DNAI4: variants seen among roughly 807,000 people sequenced by gnomAD.
DNAI4 encodes the protein dynein axonemal intermediate chain 4.
A neutral mutation model predicts 105.8 loss-of-function variants in DNAI4; 85 were observed. The observed-to-expected ratio is 0.80, with a 90% CI of 0.67 to 0.96. The LOEUF (loss-of-function observed/expected upper bound fraction) is 0.96. Ranked by LOEUF, DNAI4 falls within the 40% of genes least tolerant of loss-of-function variation. DNAI4 has a pLI of 0.00. For synonymous variants in DNAI4, 352 were observed against 331.5 expected (o/e 1.06, Z -0.67); for missense variants, 1,014 against 1,005.6 (o/e 1.01, Z -0.11).
chr1:66,892,987 AAGAAAGAAAGAG>A lies in DNAI4; in HGVS notation c.530+230_530+241del, dbSNP rs1246304309. The stretch of plus-strand genomic sequence containing the variant: ...AAAGAAAGAAAGAAAGAAAGAAAGA[AAGAAAGAAAGAG>A]AGAAAGAGAGAGAGGAAAGAAAGAA... On this transcript the variant is annotated intron_variant, in intron 3 of 16. Coordinates refer to ENST00000371026, the MANE Select transcript of DNAI4 (RefSeq NM_024763.5). 6.3e-4 allele frequency among the ~76,000 whole-genome samples: 76 copies of A among 120,898 alleles called. 4 individuals are homozygous for A. Among genetic ancestry groups the A allele is most frequent in the South Asian group, 4.7e-3 (20 of 4,286 alleles). The allele number at this position is 120,898 out of a possible 152,430, so 79.3% of individuals were successfully genotyped here.
intron 1 of DNAI4, among the ~76,000 whole-genome samples, chr1:66,908,862 C>T (rs1649448902): frequency 1.3e-5 from 2 of 152,218 alleles, no homozygotes; most frequent in African/African-American, 4.8e-5. Flanking sequence ...CCTCCTCTCA[C>T]ATTTTCACTC....
At chr1:66,843,702 T>C (rs1322202987) in intron 8 of DNAI4, among the ~76,000 whole-genome samples, 3 of 152,198 alleles carry the variant, frequency 2.0e-5, no homozygotes, top group African/African-American at 7.2e-5. Flanking sequence ...TTTGAGTTAA[T>C]TTTTGTGACA....
At position 66,834,061 on chromosome 1, in the gene DNAI4, T is replaced by C. The variant is rs1246077719; in HGVS notation, c.1821A>G (p.Glu607=). ...DRGTTGDGKR[E]ILVSISADGR... is the part of the protein sequence containing the mutation. ...CATCTGCTGATATAGAAACTAGTAT[T>C]TCTCTTTTGCCATCTCCTGTTGTTC... The change falls in exon 12 of 17, where the codon GAA becomes GAG. Residue 607 remains glutamate, a synonymous_variant. Transcript: ENST00000371026. 1.2e-6 allele frequency: 2 copies of C among 1,612,900 alleles called. No individual in the cohort carries two copies. Among genetic ancestry groups the C allele is most frequent in the Non-Finnish European group, 1.7e-6 (2 of 1,179,446 alleles).
At chr1:66,893,117 G>GA (rs1341452037) in intron 3 of DNAI4, 112 bp downstream of exon 3, 2 of 516,992 alleles carry the variant, frequency 3.9e-6, no homozygotes, top group Non-Finnish European at 6.3e-6. Context: ...AAGAAAGAAA[G>GA]AAAGAAACTG....
chr1:66,843,042 T>C lies in DNAI4; in HGVS notation c.1292-2371A>G, dbSNP rs72671670. Among the ~76,000 whole-genome samples, 412 of 151,548 alleles carry C rather than the reference T, an allele frequency of 2.7e-3. 1 individual carries two copies. The highest frequency in any genetic ancestry group is 4.7e-3 in the Admixed American group (71 of 15,202). On this transcript the variant is annotated intron_variant, in intron 8 of 16. Transcript: ENST00000371026. ...GCGAGACCTCATCTCTACAGAACAT[T>C]TTAAAAAATTAGCTGGGTGTGGTGG... is the stretch of plus-strand genomic sequence containing the variant.
chr1:66,871,304 G>A lies in DNAI4; in HGVS notation c.940+66C>T, dbSNP rs777900874. On this transcript the variant is annotated intron_variant, in intron 6 of 16. Coordinates refer to ENST00000371026, the MANE Select transcript of DNAI4 (RefSeq NM_024763.5). ...TTATACATTTCAATATTCACTTGTC[G>A]ATTGACAGACTCAAAAAATGTATAT... 5.2e-5 allele frequency: 73 copies of A among 1,408,190 alleles called. No individual in the cohort carries two copies. In the East Asian group the frequency reaches 1.1e-3, roughly 20 times the overall value. The allele number at this position is 1,408,190 out of a possible 1,614,324, so 87.2% of individuals were successfully genotyped here.
chr1:66,910,925 T>C lies in DNAI4; in HGVS notation c.171-5550A>G, dbSNP rs532155765. On this transcript the variant is annotated intron_variant, in intron 1 of 16. Transcript: ENST00000371026. ...ATCAATACAGATTTCTGTGGCCAAA[T>C]GCGTAGGGTTTCTCCCCACACACCA... Among the ~76,000 whole-genome samples, 100 of 152,278 alleles carry C rather than the reference T, an allele frequency of 6.6e-4. 1 individual carries two copies. Among genetic ancestry groups the C allele is most frequent in the Non-Finnish European group, 9.0e-4 (61 of 68,026 alleles).
chr1:66,899,175 C>A (rs1361179585), intron 2 of DNAI4, among the ~76,000 whole-genome samples: 1 of 152,194 alleles, frequency 6.6e-6, no homozygotes, highest in African/African-American at 2.4e-5. Flanking sequence ...CCTCTTGAGG[C>A]ACTTCCAAAC....
chr1:66,905,104 T>C (rs754497812), intron 2 of DNAI4, 97 bp downstream of exon 2: 31 of 976,158 alleles, frequency 3.2e-5, no homozygotes, highest in Admixed American at 2.7e-4. Context: ...AAATTATGAG[T>C]GATTATCTGA....
chr1:66,874,906 T>A lies in DNAI4; in HGVS notation c.675A>T (p.Lys225Asn), dbSNP rs775853456. The A allele has an allele frequency of 4.3e-6, 7 of 1,611,976 alleles. No individual in the cohort carries two copies. The Admixed American group carries it at 1.2e-4, about 27-fold the overall frequency. The change falls in exon 5 of 17, where the codon AAA becomes AAT. Residue 225 changes from lysine (K) to asparagine (N), a missense_variant. Physicochemically the swap from Lys to Asn is moderately conservative, Grantham distance 94. Coordinates refer to ENST00000371026, the MANE Select transcript of DNAI4 (RefSeq NM_024763.5). Reference protein sequence around the residue: ...DLQVIRAAPEKIVTKEDLEKN... With the variant: ...DLQVIRAAPENIVTKEDLEKN... Reference sequence around the variant, plus strand: ...TCTCCAGGTCTTCTTTTGTTACAATTTTTTCAGGTGCTGCCCTTATAACTT... The same window carrying A: ...TCTCCAGGTCTTCTTTTGTTACAATATTTTCAGGTGCTGCCCTTATAACTT...
intron 3 of DNAI4, 125 bp downstream of exon 3, chr1:66,893,104 A>AGAAAGAAAGAAAGAAAGAAAGAAG (rs1491582802): frequency 6.4e-6 from 3 of 468,764 alleles, no homozygotes; most frequent in African/African-American, 6.1e-5. Flanking sequence ...AAAGAAAGAA[A>AGAAAGAAAGAAAGAAAGAAAGAAG]GAAAGAAAGA....
At chr1:66,920,805 C>T (rs1650430045) in intron 1 of DNAI4, among the ~76,000 whole-genome samples, 1 of 152,168 alleles carries the variant, frequency 6.6e-6, no homozygotes, top group Non-Finnish European at 1.5e-5. Flanking sequence ...TTTAAGGAGT[C>T]CCTAGGGAAA....
chr1:66,830,516 C>T (rs1572605084), intron 13 of DNAI4, among the ~76,000 whole-genome samples: 1 of 152,128 alleles, frequency 6.6e-6, no homozygotes, highest in South Asian at 2.1e-4. Flanking sequence ...GTGGCCGAAG[C>T]CTGTAATCCC....
rs1646777588 is a variant in DNAI4 at position 66,868,543 on chromosome 1, C to G, written c.940+2827G>C. Among the ~76,000 whole-genome samples, 3 of 152,172 alleles carry G rather than the reference C, an allele frequency of 2.0e-5. No homozygotes were observed. In the South Asian group the frequency reaches 6.2e-4, roughly 32 times the overall value. On this transcript the variant is annotated intron_variant, in intron 6 of 16. Coordinates refer to ENST00000371026, the MANE Select transcript of DNAI4 (RefSeq NM_024763.5). ...AAGGTGGAGGAAGGTTGAATTCACT[C>G]TCTGCCTGATTACTTCAGTAGGGGC... is the stretch of plus-strand genomic sequence containing the variant.
At chr1:66,877,800 C>T (rs269405) in intron 4 of DNAI4, among the ~76,000 whole-genome samples, 24,639 of 152,014 alleles carry the variant, frequency 0.16, 2,415 homozygotes, top group African/African-American at 0.28. Flanking sequence ...TTTTGAAAAG[C>T]AGCAGTCATG....
intron 9 of DNAI4, 107 bp downstream of exon 9, chr1:66,840,362 T>C: frequency 9.3e-7 from 1 of 1,074,106 alleles, no homozygotes; most frequent in Admixed American, 2.2e-5. Context: ...TTATGGTCAA[T>C]TTAAATTCCT....
At chr1:66,906,388 G>A (rs535867245) in intron 1 of DNAI4, among the ~76,000 whole-genome samples, 33 of 152,158 alleles carry the variant, frequency 2.2e-4, no homozygotes, top group African/African-American at 7.7e-4. Flanking sequence ...GCCTCCCTGA[G>A]ATTATAAAAA....
intron 8 of DNAI4, 150 bp from the exon 9 acceptor site, chr1:66,840,821 G>A (rs1280879053): frequency 1.2e-6 from 1 of 801,012 alleles, no homozygotes; most frequent in African/African-American, 1.7e-5. Flanking sequence ...CACCATGAAG[G>A]GCAGCCTGGA....
rs545119973 is a variant in DNAI4, at chr1:66,922,439, G to A, written c.170+2223C>T. 3.9e-5 allele frequency among the ~76,000 whole-genome samples: 6 copies of A among 152,308 alleles called. No homozygotes were observed. The South Asian group carries it at 8.3e-4, about 21-fold the overall frequency. On this transcript the variant is annotated intron_variant, in intron 1 of 16. Transcript: ENST00000371026. ...ATATAGTGTGTCTGATGTGTTGTGG[G>A]ACAACGTGGGATGTAATTAGGCAAG...
Sources: gnomAD v4.1 joint callset for allele counts (sites outside exome capture counted in the v4.1 genomes callset) on GRCh38, gnomAD v4.1.1 for gene constraint, MANE v1.5 for transcripts, NCBI Gene and HGNC (gene_info 2026-07-23, HGNC 2026-07-21) for gene names.